Variants in SLC23A2 observed in about 807,000 individuals in gnomAD.
The protein encoded by SLC23A2 is solute carrier family 23 member 2, also known as Na(+)/L-ascorbic acid transporter 2.
In SLC23A2, 36 loss-of-function variants were observed where a neutral mutation model predicts 73.3. The ratio of observed to expected loss-of-function variants is 0.49; its 90% confidence interval spans 0.38 to 0.65. The LOEUF (loss-of-function observed/expected upper bound fraction) is 0.65. Ranked by LOEUF, SLC23A2 falls within the 30% of genes least tolerant of loss-of-function variation. The pLI is 0.00. For missense variants in SLC23A2, 507 were observed against 841.6 expected, an observed-to-expected ratio of 0.60 and a Z score of 4.92; for synonymous variants, 343 against 327.3, an observed-to-expected ratio of 1.05 and a Z score of -0.52.
chr20:5,009,868 G>A (rs1028939306), intron 1 of SLC23A2, among the ~76,000 whole-genome samples: 2 of 146,974 alleles, frequency 1.4e-5, no homozygotes, highest in Non-Finnish European at 2.9e-5. Flanking sequence ...GGCCGAGGCG[G>A]GCGGATCATG....
At chr20:4,967,177 C>G (rs964049013) in intron 2 of SLC23A2, among the ~76,000 whole-genome samples, 8 of 152,138 alleles carry the variant, frequency 5.3e-5, no homozygotes, top group Non-Finnish European at 1.0e-4. Context: ...TCCAGAAAGG[C>G]TTTATTGCTA....
At chr20:4,982,507 A>T (rs540062241) in intron 1 of SLC23A2, among the ~76,000 whole-genome samples, 9 of 152,204 alleles carry the variant, frequency 5.9e-5, no homozygotes, top group Non-Finnish European at 1.2e-4. Flanking sequence ...AAAAATTGAC[A>T]AGCCGATCCT....
chr20:4,870,015 T>G lies in SLC23A2; in HGVS notation c.1141A>C (p.Ile381Leu). 6.2e-7 allele frequency: 1 copy of G among 1,613,076 alleles called. No individual in the cohort carries two copies. The highest frequency in any genetic ancestry group is 2.2e-5 in the East Asian group (1 of 44,862). The change falls in exon 12 of 17, where the codon ATC becomes CTC. Residue 381 changes from isoleucine to leucine, a missense_variant. This residue lies in a region of SLC23A2 where 217 missense variants were observed against 398.0 expected (regional missense o/e 0.55). Coordinates refer to ENST00000338244, the MANE Select transcript of SLC23A2 (RefSeq NM_005116.6). ...GCGACCACGGCACTGAGCATGCCGA[T>G]GACACCGGCCGCAGACACGGTGGGC... is the stretch of plus-strand genomic sequence containing the variant. The part of the protein sequence containing the change: ...GLPTVSAAGV[I>L]GMLSAVVASI...
intron 4 of SLC23A2, among the ~76,000 whole-genome samples, chr20:4,911,937 A>G (rs889635530): frequency 3.3e-5 from 5 of 151,924 alleles, no homozygotes; most frequent in Non-Finnish European, 7.4e-5. Context: ...TCAAACTCTT[A>G]GGCTCAAGCA....
At chr20:4,875,785 C>T (rs951991055) in intron 9 of SLC23A2, among the ~76,000 whole-genome samples, 4 of 152,228 alleles carry the variant, frequency 2.6e-5, no homozygotes, top group Non-Finnish European at 4.4e-5. Context: ...CACGCGGTCT[C>T]GCTCTTTCAC....
rs1216212163 is a variant in SLC23A2, at chr20:4,868,143, G to A, written c.1251-268C>T. On this transcript the variant is annotated intron_variant, in intron 12 of 16. Transcript: ENST00000338244. The surrounding 1 kb of genome is among the most constrained non-coding windows in gnomAD (Gnocchi z 4.4). ...CACCTAGGCTGGAATGCAGTGACGC[G>A]ATCTTGGCTCACTGCAACCTCCACC... 3.5e-5 allele frequency among the ~76,000 whole-genome samples: 5 copies of A among 142,354 alleles called. No individual in the cohort carries two copies. Among genetic ancestry groups the A allele is most frequent in the East Asian group, 2.0e-4 (1 of 4,918 alleles). 93.4% of individuals were successfully genotyped at this position (142,354 alleles called of 152,430 possible).
chr20:4,902,697 C>A lies in SLC23A2; in HGVS notation c.208-139G>T. On this transcript the variant is annotated intron_variant, in intron 4 of 16. Transcript: ENST00000338244. The surrounding 1 kb of genome is among the most constrained non-coding windows in gnomAD (Gnocchi z 4.0). ...TCCTGCAGTTTTGAGCCTTGGCTAT[C>A]TTTGAAGCCAAGTATTCTCTTTGGC... 1.8e-6 allele frequency: 1 copy of A among 544,384 alleles called. No homozygotes were observed. Among genetic ancestry groups the A allele is most frequent in the Non-Finnish European group, 3.3e-6 (1 of 306,252 alleles). The allele number at this position is 544,384 out of a possible 1,614,324, so 33.7% of individuals were successfully genotyped here. A position where few individuals can be genotyped will look rare whatever the true frequency, so the allele number is the denominator to read the frequency against.
At position 4,874,701 on chromosome 20, in the gene SLC23A2, G is replaced by A. The variant is rs758559585; in HGVS notation, c.825-5C>T. 2.5e-6 allele frequency: 4 copies of A among 1,581,306 alleles called. No homozygotes were observed. The stretch of plus-strand genomic sequence containing the variant: ...AGTAATACTAGGAATATTGTCCTGA[G>A]GAGAGAAAGAAAACAAACTAGGTCA... On this transcript the variant is annotated splice_region_variant and splice_polypyrimidine_tract_variant and intron_variant, in intron 9 of 16. Transcript: ENST00000338244.
In SLC23A2 at chr20:4,947,379, T is replaced by C. The variant is rs889557957; in HGVS notation, c.-154-14663A>G. Reference sequence around the variant, plus strand: ...TTAGCAAACTAAAGCAGAACAAAGATGAGTTTTATTGCATTTATTTCTACT... The same window carrying C: ...TTAGCAAACTAAAGCAGAACAAAGACGAGTTTTATTGCATTTATTTCTACT... On this transcript the variant is annotated intron_variant, in intron 2 of 16. Transcript: ENST00000338244. The surrounding 1 kb of genome is among the most constrained non-coding windows in gnomAD (Gnocchi z 4.4). Among the ~76,000 whole-genome samples the C allele has an allele frequency of 6.6e-6, 1 of 152,226 alleles. No individual in the cohort carries two copies. The highest frequency in any genetic ancestry group is 6.5e-5 in the Admixed American group (1 of 15,284).
chr20:4,952,691 A>G (rs1170736859), intron 2 of SLC23A2, among the ~76,000 whole-genome samples: 1 of 152,238 alleles, frequency 6.6e-6, no homozygotes, highest in Non-Finnish European at 1.5e-5. Context: ...AACGCAATGC[A>G]TAAGCCACAT....
intron 2 of SLC23A2, among the ~76,000 whole-genome samples, chr20:4,941,799 T>C (rs1292671086): frequency 6.6e-6 from 1 of 151,984 alleles, no homozygotes; most frequent in Non-Finnish European, 1.5e-5. Flanking sequence ...TAGAAGATAC[T>C]AGTTTTGAGT....
intron 9 of SLC23A2, among the ~76,000 whole-genome samples, chr20:4,877,525 A>C (rs1930706765): frequency 6.6e-6 from 1 of 152,204 alleles, no homozygotes; most frequent in Admixed American, 6.5e-5. Flanking sequence ...AAAAATATAA[A>C]AATATGTAAG....
At chr20:4,884,630 C>A in intron 8 of SLC23A2, 123 bp downstream of exon 8, 1 of 730,974 alleles carries the variant, frequency 1.4e-6, no homozygotes, top group Non-Finnish European at 2.5e-6. Context: ...GAGAAATAAA[C>A]TATCAGTAAT....
In SLC23A2 at chr20:4,869,922, TGGGGG is replaced by T; in HGVS notation, c.1229_1233del (p.Pro410HisfsTer18). ...GGAACGTACCTGTTTATTGCGTGGA[TGGGGG>T]GGGGTGGGGCACAGGACAGCCGTGC... On this transcript the variant is annotated frameshift_variant, in exon 12 of 17. Transcript: ENST00000338244. LOFTEE classifies it high-confidence loss of function. 1.9e-6 allele frequency: 2 copies of T among 1,047,628 alleles called. No homozygotes were observed. The highest frequency in any genetic ancestry group is 2.6e-6 in the Non-Finnish European group (2 of 765,604). The allele number at this position is 1,047,628 out of a possible 1,614,324, so 64.9% of individuals were successfully genotyped here.
chr20:4,879,574 T>C (rs1326335090), intron 9 of SLC23A2, among the ~76,000 whole-genome samples: 1 of 151,712 alleles, frequency 6.6e-6, no homozygotes, highest in Admixed American at 6.6e-5. Flanking sequence ...CCAGGTACTC[T>C]TGGGAGGCTG....
At chr20:4,950,660 CT>C (rs1353640843) in intron 2 of SLC23A2, among the ~76,000 whole-genome samples, 1 of 152,060 alleles carries the variant, frequency 6.6e-6, no homozygotes, top group Non-Finnish European at 1.5e-5. Flanking sequence ...AGTGGGCACC[CT>C]CTGCCCTGTG....
chr20:4,893,041 G>C (rs1322530353), intron 6 of SLC23A2, among the ~76,000 whole-genome samples: 1 of 151,892 alleles, frequency 6.6e-6, no homozygotes, highest in Admixed American at 6.6e-5. Flanking sequence ...AGTATGTAGG[G>C]GTGAGCCATC....
chr20:4,925,127 G>A (rs1320150495), intron 3 of SLC23A2, among the ~76,000 whole-genome samples: 1 of 151,238 alleles, frequency 6.6e-6, no homozygotes, highest in African/African-American at 2.4e-5. Context: ...AGGCTGCAGT[G>A]AGCCATGATG....
chr20:4,886,007 C>T, intron 6 of SLC23A2, 98 bp from the exon 7 acceptor site: 1 of 698,424 alleles, frequency 1.4e-6, no homozygotes, highest in Non-Finnish European at 2.4e-6. Flanking sequence ...AGACATACAG[C>T]ACATGAGTAA....
Sources: allele counts gnomAD v4.1 joint callset (sites outside exome capture counted in the v4.1 genomes callset), GRCh38; gene constraint gnomAD v4.1.1; regional missense constraint gnomAD v4.1.1; non-coding constraint Gnocchi (gnomAD v3.1); transcripts MANE v1.5; gene names NCBI Gene and HGNC (gene_info 2026-07-23, HGNC 2026-07-21).